Variants in TGM2 observed in about 807,000 individuals in gnomAD.
The protein encoded by TGM2 is transglutaminase 2.
A neutral mutation model predicts 75.6 loss-of-function variants in TGM2; 53 were observed. That is an observed-to-expected ratio of 0.70 (90% CI 0.56 to 0.88). The LOEUF is 0.88. TGM2 is among the 40% of genes least tolerant of loss of function. The probability of loss-of-function intolerance (pLI) is 0.00; values close to 1 mark genes in which losing one functional copy is unlikely to be tolerated. For synonymous variants in TGM2, 374 were observed against 381.1 expected, an observed-to-expected ratio of 0.98 and a Z score of 0.22; for missense variants, 842 against 928.5, an observed-to-expected ratio of 0.91 and a Z score of 1.21.
At chr20:38,157,989 G>A (rs898709045) in intron 2 of TGM2, among the ~76,000 whole-genome samples, 1 of 152,202 alleles carries the variant, frequency 6.6e-6, no homozygotes, top group Non-Finnish European at 1.5e-5. Flanking sequence ...GGTTGAGAGG[G>A]GTGGTGCTGG....
upstream of TGM2, among the ~76,000 whole-genome samples, chr20:38,167,183 G>A (rs191715429): frequency 9.2e-5 from 14 of 152,248 alleles, no homozygotes; most frequent in Middle Eastern, 6.8e-3. Flanking sequence ...AAGGAGAGAC[G>A]GGAGGCATGG....
intron 6 of TGM2, among the ~76,000 whole-genome samples, chr20:38,142,719 A>G (rs1000958509): frequency 1.2e-4 from 18 of 152,322 alleles, no homozygotes; most frequent in African/African-American, 4.3e-4. Flanking sequence ...AAAATGAAAT[A>G]AAGTACAAAT....
intron 3 of TGM2, among the ~76,000 whole-genome samples, chr20:38,152,902 T>A (rs1007924784): frequency 6.6e-6 from 1 of 152,216 alleles, no homozygotes. Context: ...GAACCACGCT[T>A]CCCATTCCCT....
chr20:38,156,382 G>C (rs546682599), intron 2 of TGM2, among the ~76,000 whole-genome samples: 1 of 152,400 alleles, frequency 6.6e-6, no homozygotes, highest in Non-Finnish European at 1.5e-5. Context: ...CCAGAGCCAA[G>C]GCTCAGTTCC....
chr20:38,161,132 T>C (rs757496338), intron 2 of TGM2, among the ~76,000 whole-genome samples: 3 of 152,182 alleles, frequency 2.0e-5, no homozygotes, highest in Non-Finnish European at 2.9e-5. Flanking sequence ...TCAACTTTCC[T>C]GGTTGAAGGC....
At chr20:38,137,032 G>T (rs923446058) in intron 10 of TGM2, among the ~76,000 whole-genome samples, 3 of 152,192 alleles carry the variant, frequency 2.0e-5, no homozygotes, top group Non-Finnish European at 2.9e-5. Flanking sequence ...AAGGCAACTA[G>T]GCTGGTGCTG....
chr20:38,168,015 C>T (rs1600530440), upstream of TGM2, among the ~76,000 whole-genome samples: 1 of 152,218 alleles, frequency 6.6e-6, no homozygotes, highest in Non-Finnish European at 1.5e-5. Context: ...AGCAGCCAAA[C>T]AGTCAGCCCT....
chr20:38,165,087 G>A, intron 1 of TGM2, 102 bp downstream of exon 1: 1 of 1,572,286 alleles, frequency 6.4e-7, no homozygotes, highest in Non-Finnish European at 8.7e-7. Context: ...CGGTCTGCCT[G>A]TTGCTCTCCA....
At chr20:38,139,382 G>C in intron 9 of TGM2, 30 bp downstream of exon 9, 1 of 1,613,868 alleles carries the variant, frequency 6.2e-7, no homozygotes, top group Non-Finnish European at 8.5e-7. Context: ...TTATCTTCAA[G>C]GCTGCATTAA....
rs372703574 is a variant in TGM2, at chr20:38,146,858, G to A, written c.718C>T (p.Arg240Cys). 4.1e-5 allele frequency: 66 copies of A among 1,613,832 alleles called. No individual in the cohort carries two copies. The highest frequency in any genetic ancestry group is 5.3e-5 in the African/African-American group (4 of 74,936). ...CNDDQGVLLGRWDNNYGDGVS... is the reference protein window; with the variant it reads ...CNDDQGVLLGCWDNNYGDGVS... ...CCGTCCCCGTAGTTGTTGTCCCAGCGTCCCAGCAGCACACCCTGGTCATCG... is the reference window on the plus strand; with the variant it reads ...CCGTCCCCGTAGTTGTTGTCCCAGCATCCCAGCAGCACACCCTGGTCATCG... Residue 240 changes from arginine to cysteine, a missense_variant, in exon 6 of 13, where the codon CGC becomes TGC. Arg to Cys is a radical substitution (Grantham distance 180). Coordinates refer to ENST00000361475, the MANE Select transcript of TGM2 (RefSeq NM_004613.4).
chr20:38,157,099 G>C (rs2075197494), intron 2 of TGM2, among the ~76,000 whole-genome samples: 1 of 152,202 alleles, frequency 6.6e-6, no homozygotes, highest in Non-Finnish European at 1.5e-5. Context: ...GACGTTCTCT[G>C]CCTGGCTGGG....
At chr20:38,132,203 T>C in intron 11 of TGM2, 137 bp downstream of exon 11, 2 of 952,626 alleles carry the variant, frequency 2.1e-6, no homozygotes, top group Non-Finnish European at 3.3e-6. Context: ...TCGATGAGGC[T>C]AGGATTTGAG....
intron 2 of TGM2, among the ~76,000 whole-genome samples, chr20:38,157,753 C>T (rs899162992): frequency 7.2e-5 from 11 of 152,174 alleles, no homozygotes; most frequent in Admixed American, 3.3e-4. Flanking sequence ...TTTTCATGAA[C>T]GCCTCCTGGC....
At position 38,148,057 on chromosome 20, in the gene TGM2, G is replaced by T. The variant is rs753420541; in HGVS notation, c.585C>A (p.Ile195=). 6.2e-7 allele frequency: 1 copy of T among 1,614,164 alleles called. No individual in the cohort carries two copies. Among genetic ancestry groups the T allele is most frequent in the African/African-American group, 1.3e-5 (1 of 75,060 alleles). Residue 195 remains isoleucine (I), a synonymous_variant, in exon 5 of 13, where the codon ATC becomes ATA. Transcript: ENST00000361475. ...FEDGILDICL[I]LLDVNPKFLK... ...GGAACTTGGGGTTGACATCTAGAAG[G>T]ATCAGGCAGATGTCTAGGATCCCAT...
chr20:38,163,207 A>C, intron 1 of TGM2, among the ~76,000 whole-genome samples: 1 of 152,026 alleles, frequency 6.6e-6, no homozygotes, highest in African/African-American at 2.4e-5. Context: ...GGCAAGCTCA[A>C]GGTCAGGATG....
chr20:38,141,731 G>A (rs1278751226), intron 7 of TGM2, among the ~76,000 whole-genome samples: 4 of 24,340 alleles, frequency 1.6e-4, no homozygotes, highest in African/African-American at 5.3e-4. Flanking sequence ...CCAGCCCCCC[G>A]CCCATCTCTT....
At chr20:38,140,628 A>G (rs994362694) in intron 8 of TGM2, among the ~76,000 whole-genome samples, 10 of 152,218 alleles carry the variant, frequency 6.6e-5, no homozygotes, top group Admixed American at 3.9e-4. Flanking sequence ...GCTGTCCCAG[A>G]TGGCAGGAAA....
rs769526155 is a variant in TGM2, at chr20:38,138,295, C to T, written c.1433G>A (p.Arg478His). 47 of 1,614,080 alleles carry T rather than the reference C, an allele frequency of 2.9e-5. No individual in the cohort carries two copies. The highest frequency in any genetic ancestry group is 6.7e-5 in the African/African-American group (5 of 74,926). The change falls in exon 10 of 13, where the codon CGT becomes CAT. Residue 478 changes from arginine (R) to histidine (H), a missense_variant. Arg to His is a conservative substitution (Grantham distance 29). Transcript: ENST00000361475. ...KEETGMAMRI[R>H]VGQSMNMGSD... The stretch of plus-strand genomic sequence containing the variant: ...GCCCATGTTCATGCTCTGGCCCACA[C>T]GGATCCGCATGGCCATCCCTGTCTC...
rs760767606 is a variant in TGM2 at position 38,161,509 on chromosome 20, C to G, written c.101G>C (p.Arg34Pro). 1.2e-6 allele frequency: 2 copies of G among 1,614,176 alleles called. No individual in the cohort carries two copies. ...GGTCAGCCAGAAGGGCTGGCCCCGT[C>G]GCACCACCAGCTTCTCCCGGCACAG... is the stretch of plus-strand genomic sequence containing the variant. ...ADLCREKLVV[R>P]RGQPFWLTLH... is the part of the protein sequence containing the mutation. The change falls in exon 2 of 13, where the codon CGA (arginine) becomes CCA (proline). Residue 34 changes from arginine (R) to proline (P), a missense_variant. Arg to Pro is a moderately radical substitution (Grantham distance 103). Coordinates refer to ENST00000361475, the MANE Select transcript of TGM2 (RefSeq NM_004613.4).
Sources: allele counts gnomAD v4.1 joint callset (sites outside exome capture counted in the v4.1 genomes callset), GRCh38; gene constraint gnomAD v4.1.1; transcripts MANE v1.5; gene names NCBI Gene and HGNC (gene_info 2026-07-23, HGNC 2026-07-21).